MAGI2: variants seen among roughly 807,000 people sequenced by gnomAD.
MAGI2 encodes membrane-associated guanylate kinase, WW and PDZ domain-containing protein 2.
Under a neutral mutation model 133.3 loss-of-function variants are expected in MAGI2, and 35 were observed. The ratio of observed to expected loss-of-function variants is 0.26; its 90% CI spans 0.20 to 0.35. The LOEUF (loss-of-function observed/expected upper bound fraction) is 0.35, where lower values mean the gene tolerates loss of function less well. Among genes scored for constraint, MAGI2 ranks in the 10% least tolerant of loss-of-function variants. The pLI is 1.00. For synonymous variants in MAGI2, 729 were observed against 710.6 expected (o/e 1.03, Z -0.41); for missense variants, 1,636 against 1,863.4 (o/e 0.88, Z 2.25).
At chr7:78,211,749 C>A (rs904363110) in intron 10 of MAGI2, among the ~76,000 whole-genome samples, 1 of 152,216 alleles carries the variant, frequency 6.6e-6, no homozygotes, top group South Asian at 2.1e-4. Context: ...AGGTGTTCAA[C>A]AATTTATTGC....
At chr7:79,012,493 C>A (rs1325546687) in intron 1 of MAGI2, among the ~76,000 whole-genome samples, 1 of 152,066 alleles carries the variant, frequency 6.6e-6, no homozygotes, top group Non-Finnish European at 1.5e-5. Context: ...TACAAGCTTC[C>A]CAGGAGAGAG....
At chr7:78,632,230 A>G (rs540092260) in intron 2 of MAGI2, among the ~76,000 whole-genome samples, 3 of 152,384 alleles carry the variant, frequency 2.0e-5, no homozygotes, top group African/African-American at 7.2e-5. Flanking sequence ...GGAGAGGCAG[A>G]TAATAAATAA....
At chr7:79,452,396 G>T (rs1259129725) in intron 1 of MAGI2, among the ~76,000 whole-genome samples, 2 of 152,140 alleles carry the variant, frequency 1.3e-5, no homozygotes, top group African/African-American at 4.8e-5. Context: ...GAGCGGGGGA[G>T]GGGGACACGG....
intron 9 of MAGI2, among the ~76,000 whole-genome samples, chr7:78,298,730 C>G (rs1369911956): frequency 6.6e-6 from 1 of 151,638 alleles, no homozygotes; most frequent in Non-Finnish European, 1.5e-5. Flanking sequence ...GTCTCCAACC[C>G]CTGAGCTCAA....
At chr7:78,075,140 T>G (rs1469000590) in intron 21 of MAGI2, among the ~76,000 whole-genome samples, 1 of 152,220 alleles carries the variant, frequency 6.6e-6, no homozygotes, top group Non-Finnish European at 1.5e-5. Flanking sequence ...AGAGGGTCCC[T>G]GCATCACCGG....
chr7:78,037,859 C>T (rs1262506518), intron 21 of MAGI2, among the ~76,000 whole-genome samples: 1 of 152,132 alleles, frequency 6.6e-6, no homozygotes, highest in African/African-American at 2.4e-5. Flanking sequence ...GTAGAATGGT[C>T]CCCATTTCTT....
chr7:78,200,993 T>C (rs909105839), intron 11 of MAGI2, among the ~76,000 whole-genome samples, 169 bp downstream of exon 11: 1 of 152,218 alleles, frequency 6.6e-6, no homozygotes, highest in African/African-American at 2.4e-5. Context: ...GAGTGACTCA[T>C]GTACTTGTGG....
At chr7:78,301,166 A>G (rs17150499) in intron 9 of MAGI2, among the ~76,000 whole-genome samples, 26,113 of 152,140 alleles carry the variant, frequency 0.17, 3,534 homozygotes, top group African/African-American at 0.36. Context: ...TAGAACAAAC[A>G]TCCCTAGACT....
intron 2 of MAGI2, among the ~76,000 whole-genome samples, chr7:78,998,914 T>A (rs1806580714): frequency 6.6e-6 from 1 of 152,128 alleles, no homozygotes; most frequent in African/African-American, 2.4e-5. Context: ...CCTTCTTACG[T>A]CCAGCAAGGC....
At chr7:78,837,782 C>A (rs1012479249) in intron 2 of MAGI2, among the ~76,000 whole-genome samples, 4 of 152,048 alleles carry the variant, frequency 2.6e-5, no homozygotes, top group Non-Finnish European at 5.9e-5. Flanking sequence ...TTTAGGAATG[C>A]TTAATTTTGT....
At chr7:78,235,178 G>A (rs1345571283) in intron 10 of MAGI2, among the ~76,000 whole-genome samples, 1 of 152,104 alleles carries the variant, frequency 6.6e-6, no homozygotes, top group Admixed American at 6.6e-5. Context: ...TCCTCCTGTA[G>A]CTTTAGAATT....
At chr7:78,717,755 A>C (rs1226454590) in intron 2 of MAGI2, among the ~76,000 whole-genome samples, 1 of 152,202 alleles carries the variant, frequency 6.6e-6, no homozygotes, top group African/African-American at 2.4e-5. Context: ...TCAGGAACCT[A>C]AGCCTAATAG....
At chr7:78,835,519 C>A (rs1398647441) in intron 2 of MAGI2, among the ~76,000 whole-genome samples, 9 of 152,146 alleles carry the variant, frequency 5.9e-5, no homozygotes, top group African/African-American at 2.2e-4. Context: ...GAATGCTTCC[C>A]TGAGGAAGTG....
chr7:79,235,073 C>T (rs1180800195), intron 1 of MAGI2, among the ~76,000 whole-genome samples: 1 of 151,690 alleles, frequency 6.6e-6, no homozygotes, highest in Non-Finnish European at 1.5e-5. Context: ...TCAGTGTGCC[C>T]CTGCTGGGGG....
chr7:78,507,551 T>C (rs962986640), intron 4 of MAGI2, among the ~76,000 whole-genome samples: 4 of 152,106 alleles, frequency 2.6e-5, no homozygotes, highest in African/African-American at 9.7e-5. Context: ...CTCCTAGACA[T>C]TCAAGGCAAC....
intron 10 of MAGI2, among the ~76,000 whole-genome samples, chr7:78,240,521 G>A (rs1055073523): frequency 1.8e-4 from 28 of 152,288 alleles, no homozygotes; most frequent in Admixed American, 1.2e-3. Context: ...ATTTTGGTAA[G>A]TGAAATAAGC....
intron 6 of MAGI2, among the ~76,000 whole-genome samples, chr7:78,483,489 T>A (rs1286188424): frequency 6.6e-6 from 1 of 151,780 alleles, no homozygotes; most frequent in Non-Finnish European, 1.5e-5. Flanking sequence ...ATACTTAATA[T>A]CTTTTATGGT....
intron 3 of MAGI2, among the ~76,000 whole-genome samples, chr7:78,586,129 C>T (rs890335313): frequency 5.9e-5 from 9 of 152,162 alleles, no homozygotes; most frequent in African/African-American, 2.2e-4. Flanking sequence ...ATGGGAATAG[C>T]GTAGCGTGCT....
At chr7:78,297,122 G>A (rs927416154) in intron 9 of MAGI2, among the ~76,000 whole-genome samples, 1 of 152,204 alleles carries the variant, frequency 6.6e-6, no homozygotes, top group African/African-American at 2.4e-5. Flanking sequence ...TAACTCTAAG[G>A]TGTGAGACTG....
Sources: gnomAD v4.1 joint callset for allele counts (sites outside exome capture counted in the v4.1 genomes callset) on GRCh38, gnomAD v4.1.1 for gene constraint, MANE v1.5 for transcripts, NCBI Gene and HGNC (gene_info 2026-07-23, HGNC 2026-07-21) for gene names.